Variants in SRRM4 observed in about 807,000 individuals in gnomAD.
The protein encoded by SRRM4 is serine/arginine repetitive matrix 4, also known as serine/arginine repetitive matrix protein 4.
A neutral mutation model predicts 68.9 loss-of-function variants in SRRM4; 33 were observed. The ratio of observed to expected loss-of-function variants is 0.48; its 90% CI spans 0.36 to 0.64. SRRM4 has a LOEUF of 0.64. Among genes scored for constraint, SRRM4 ranks in the 30% least tolerant of loss-of-function variants. The pLI is 0.00. For missense variants in SRRM4, 817 were observed against 827.1 expected (o/e 0.99, Z 0.15); for synonymous variants, 318 against 318.8 (o/e 1.00, Z 0.03).
chr12:119,089,756 AT>A, intron 1 of SRRM4, among the ~76,000 whole-genome samples: 1 of 152,038 alleles, frequency 6.6e-6, no homozygotes. Flanking sequence ...TATCATCATC[AT>A]CATCATCATC....
chr12:119,004,801 G>A (rs1953406055), intron 1 of SRRM4, among the ~76,000 whole-genome samples: 1 of 151,966 alleles, frequency 6.6e-6, no homozygotes, highest in Non-Finnish European at 1.5e-5. Context: ...TGATTTTAAA[G>A]GCAGAAGTGA....
At chr12:119,106,574 G>A (rs1043145974) in intron 2 of SRRM4, among the ~76,000 whole-genome samples, 1 of 152,156 alleles carries the variant, frequency 6.6e-6, no homozygotes, top group Non-Finnish European at 1.5e-5. Context: ...TGAAGCAATT[G>A]TGAATGGGAG....
At chr12:119,019,114 C>T (rs1275218259) in intron 1 of SRRM4, among the ~76,000 whole-genome samples, 1 of 152,210 alleles carries the variant, frequency 6.6e-6, no homozygotes, top group African/African-American at 2.4e-5. Flanking sequence ...GACTGAATCT[C>T]CTTGCCACAA....
intron 1 of SRRM4, among the ~76,000 whole-genome samples, chr12:118,985,992 C>A (rs573135801): frequency 6.6e-6 from 1 of 152,148 alleles, no homozygotes; most frequent in Non-Finnish European, 1.5e-5. Flanking sequence ...TAATTTTCTT[C>A]AAAAATCCTT....
chr12:119,072,786 G>A (rs1162281273), intron 1 of SRRM4, among the ~76,000 whole-genome samples: 2 of 152,184 alleles, frequency 1.3e-5, no homozygotes, highest in Admixed American at 6.5e-5. Flanking sequence ...GCCTCCCTGA[G>A]ATTCCAGGCA....
intron 7 of SRRM4, among the ~76,000 whole-genome samples, chr12:119,129,962 C>CGG (rs1565915377): frequency 1.1e-5 from 1 of 87,534 alleles, no homozygotes; most frequent in East Asian, 3.7e-4. Flanking sequence ...GAAGGAAGGA[C>CGG]AGATGGATGG....
At chr12:119,150,633 C>T (rs1954432946) in intron 9 of SRRM4, among the ~76,000 whole-genome samples, 1 of 152,166 alleles carries the variant, frequency 6.6e-6, no homozygotes, top group African/African-American at 2.4e-5. Flanking sequence ...CCAACTAGCA[C>T]CCAATGGGGG....
intron 1 of SRRM4, among the ~76,000 whole-genome samples, chr12:118,997,650 T>A (rs1182140756): frequency 6.6e-6 from 1 of 152,172 alleles, no homozygotes; most frequent in Non-Finnish European, 1.5e-5. Flanking sequence ...GACACACGTC[T>A]CCCTGAGGCA....
At chr12:119,135,235 C>G (rs74810518) in intron 8 of SRRM4, among the ~76,000 whole-genome samples, 4,832 of 152,126 alleles carry the variant, frequency 0.032, 98 homozygotes, top group Middle Eastern at 0.088. Flanking sequence ...TTAGCCAAGC[C>G]CTTTCCCTGT....
chr12:119,147,598 A>G (rs963191808), intron 9 of SRRM4, among the ~76,000 whole-genome samples: 1 of 152,214 alleles, frequency 6.6e-6, no homozygotes, highest in East Asian at 1.9e-4. Flanking sequence ...TGTGCTTTCC[A>G]TTCAATCATG....
chr12:118,986,174 G>C (rs1159267546), intron 1 of SRRM4, among the ~76,000 whole-genome samples: 1 of 152,176 alleles, frequency 6.6e-6, no homozygotes, highest in African/African-American at 2.4e-5. Context: ...TCAGTTAGCA[G>C]TTTGTGCTGA....
chr12:119,000,648 T>C (rs1007991476), intron 1 of SRRM4: 2 of 152,232 alleles, frequency 1.3e-5, no homozygotes, highest in Non-Finnish European at 2.9e-5. Context: ...ATATTTACCA[T>C]TGGAACATAG....
At chr12:119,060,612 T>C (rs1953805226) in intron 1 of SRRM4, among the ~76,000 whole-genome samples, 2 of 151,778 alleles carry the variant, frequency 1.3e-5, no homozygotes, top group African/African-American at 4.8e-5. Context: ...TGTAATTTCT[T>C]TCACAAGACC....
At chr12:119,003,620 C>T (rs992656213) in intron 1 of SRRM4, among the ~76,000 whole-genome samples, 11 of 151,928 alleles carry the variant, frequency 7.2e-5, no homozygotes, top group African/African-American at 2.4e-4. Context: ...ATACCACACC[C>T]AGATCAGCTT....
intron 1 of SRRM4, among the ~76,000 whole-genome samples, chr12:118,993,233 GC>G (rs1487948289): frequency 6.6e-6 from 1 of 152,154 alleles, no homozygotes; most frequent in African/African-American, 2.4e-5. Flanking sequence ...TGTTCACTGA[GC>G]AGGGATCACC....
chr12:119,026,363 A>G (rs1953548380), intron 1 of SRRM4, among the ~76,000 whole-genome samples: 1 of 151,888 alleles, frequency 6.6e-6, no homozygotes, highest in African/African-American at 2.4e-5. Flanking sequence ...AGGAGGCAAA[A>G]TGCACAGAAC....
At chr12:119,004,979 T>C (rs140094909) in intron 1 of SRRM4, among the ~76,000 whole-genome samples, 1 of 150,568 alleles carries the variant, frequency 6.6e-6, no homozygotes, top group East Asian at 2.4e-4. Flanking sequence ...CCAGAGAAGA[T>C]TAAAACAGGC....
chr12:119,104,750 C>T (rs1216865909), intron 2 of SRRM4, among the ~76,000 whole-genome samples: 1 of 129,322 alleles, frequency 7.7e-6, no homozygotes, highest in Non-Finnish European at 1.7e-5. Flanking sequence ...GCATACTTTA[C>T]TGCATATGTA....
chr12:119,095,306 T>C (rs1356311139), intron 1 of SRRM4, among the ~76,000 whole-genome samples: 1 of 152,296 alleles, frequency 6.6e-6, no homozygotes, highest in East Asian at 1.9e-4. Flanking sequence ...CATTTAAGCA[T>C]GAGAGTCTAG....
Sources: allele counts gnomAD v4.1 joint callset (sites outside exome capture counted in the v4.1 genomes callset), GRCh38; gene constraint gnomAD v4.1.1; transcripts MANE v1.5; gene names NCBI Gene and HGNC (gene_info 2026-07-23, HGNC 2026-07-21).